PEAK1: variants seen among roughly 807,000 people sequenced by gnomAD.
The protein encoded by PEAK1 is pseudopodium enriched atypical kinase 1.
PEAK1 carries 54 observed loss-of-function variants against 124.7 expected under a neutral mutation model. The ratio of observed to expected loss-of-function variants is 0.43; its 90% CI spans 0.35 to 0.54. The LOEUF is 0.54. Among genes scored for constraint, PEAK1 ranks in the 20% least tolerant of loss-of-function variants. PEAK1 has a pLI of 0.01. For synonymous variants in PEAK1, 719 were observed against 760.0 expected, an observed-to-expected ratio of 0.95 and a Z score of 0.89; for missense variants, 2,046 against 2,134.5, an observed-to-expected ratio of 0.96 and a Z score of 0.82.
chr15:77,412,049 T>C (rs1416468161), intron 1 of PEAK1, among the ~76,000 whole-genome samples: 1 of 152,178 alleles, frequency 6.6e-6, no homozygotes, highest in Non-Finnish European at 1.5e-5. Context: ...ATAATAGGTA[T>C]TAAGTGTTTA....
At chr15:77,124,791 A>G (rs2052230496) in intron 9 of PEAK1, among the ~76,000 whole-genome samples, 1 of 152,188 alleles carries the variant, frequency 6.6e-6, no homozygotes, top group Non-Finnish European at 1.5e-5. Context: ...TCAAATCTCT[A>G]AATTTGTTCT....
chr15:77,302,583 A>G (rs1478842569), intron 2 of PEAK1, among the ~76,000 whole-genome samples: 1 of 152,186 alleles, frequency 6.6e-6, no homozygotes, highest in African/African-American at 2.4e-5. Flanking sequence ...GGGCTTATGC[A>G]TAGTTCCTTT....
chr15:77,283,141 AAAAC>A (rs1358376580), intron 5 of PEAK1, among the ~76,000 whole-genome samples: 1 of 152,220 alleles, frequency 6.6e-6, no homozygotes, highest in African/African-American at 2.4e-5. Flanking sequence ...ACTCTTAAGA[AAAAC>A]AGACTTCAGA....
chr15:77,197,725 C>G (rs1044955381), intron 6 of PEAK1, among the ~76,000 whole-genome samples: 1 of 152,132 alleles, frequency 6.6e-6, no homozygotes, highest in African/African-American at 2.4e-5. Context: ...ACTAAGAACT[C>G]TGACTAACTG....
At chr15:77,153,120 G>A (rs1288500270) in intron 8 of PEAK1, among the ~76,000 whole-genome samples, 1 of 150,432 alleles carries the variant, frequency 6.6e-6, no homozygotes, top group Non-Finnish European at 1.5e-5. Context: ...ATCTGGTCCT[G>A]GACTTTTTTT....
At chr15:77,284,190 A>T (rs1435894120) in intron 4 of PEAK1, 160 bp from the exon 5 acceptor site, 1 of 200,856 alleles carries the variant, frequency 5.0e-6, no homozygotes, top group African/African-American at 2.4e-5. Context: ...TAATGTATGT[A>T]AAGAGCAAAG....
At chr15:77,163,759 G>C (rs2055863686) in intron 7 of PEAK1, among the ~76,000 whole-genome samples, 1 of 152,140 alleles carries the variant, frequency 6.6e-6, no homozygotes, top group South Asian at 2.1e-4. Context: ...CCTGCCTCTT[G>C]GGACAAATGT....
intron 2 of PEAK1, among the ~76,000 whole-genome samples, chr15:77,313,644 ATG>A (rs1166778709): frequency 4.0e-5 from 3 of 75,418 alleles, no homozygotes; most frequent in South Asian, 4.1e-4. Context: ...GTATGTATGT[ATG>A]TATGTATGTG....
chr15:77,268,043 C>T (rs2061831235), intron 5 of PEAK1, among the ~76,000 whole-genome samples: 2 of 152,100 alleles, frequency 1.3e-5, no homozygotes, highest in South Asian at 4.1e-4. Context: ...AAATGAAGGG[C>T]ACACTTAGAG....
chr15:77,414,207 CT>C (rs71145827), intron 1 of PEAK1, among the ~76,000 whole-genome samples: 5,139 of 67,826 alleles, frequency 0.076, 92 homozygotes, highest in Non-Finnish European at 0.12. Flanking sequence ...TTCTTTCCTT[CT>C]TTTTTTTTTT....
chr15:77,410,235 G>A (rs559767711), intron 1 of PEAK1, among the ~76,000 whole-genome samples: 1 of 152,048 alleles, frequency 6.6e-6, no homozygotes, highest in African/African-American at 2.4e-5. Context: ...AGCCTCCCAA[G>A]TGATTCTCCT....
At chr15:77,221,111 T>C (rs190415685) in intron 6 of PEAK1, among the ~76,000 whole-genome samples, 246 of 152,238 alleles carry the variant, frequency 1.6e-3, no homozygotes, top group African/African-American at 5.7e-3. Context: ...AACTGTAGCA[T>C]ATGCCCTTTA....
intron 1 of PEAK1, among the ~76,000 whole-genome samples, chr15:77,396,829 G>A (rs1214561360): frequency 1.3e-5 from 2 of 152,126 alleles, no homozygotes; most frequent in Non-Finnish European, 2.9e-5. Context: ...AGAGAGAAAA[G>A]TAGAGTTAAA....
chr15:77,292,437 C>T (rs2063269519), intron 2 of PEAK1, among the ~76,000 whole-genome samples: 1 of 151,784 alleles, frequency 6.6e-6, no homozygotes, highest in Non-Finnish European at 1.5e-5. Context: ...AGGAATATTA[C>T]ACAGCACTTT....
intron 1 of PEAK1, among the ~76,000 whole-genome samples, chr15:77,395,622 A>C (rs1044045057): frequency 5.9e-5 from 9 of 152,160 alleles, no homozygotes; most frequent in Non-Finnish European, 1.3e-4. Flanking sequence ...TTTTCAGTGG[A>C]AACTTTACAG....
chr15:77,198,812 T>C (rs2058227821), intron 6 of PEAK1, among the ~76,000 whole-genome samples: 1 of 152,158 alleles, frequency 6.6e-6, no homozygotes, highest in African/African-American at 2.4e-5. Context: ...AGATTTGGCT[T>C]AAAAAATGTC....
chr15:77,237,370 T>C (rs938283792), intron 6 of PEAK1, among the ~76,000 whole-genome samples: 2 of 152,086 alleles, frequency 1.3e-5, no homozygotes, highest in Non-Finnish European at 2.9e-5. Flanking sequence ...CTTGGCATCA[T>C]ACATTTCTAA....
intron 6 of PEAK1, among the ~76,000 whole-genome samples, chr15:77,237,863 C>CCTA (rs562734884): frequency 1.3e-5 from 2 of 152,058 alleles, no homozygotes; most frequent in Non-Finnish European, 2.9e-5. Context: ...TCTTGCTATG[C>CCTA]CTACTACTTT....
chr15:77,337,866 C>CT (rs1220296246), intron 2 of PEAK1: 5 of 985,170 alleles, frequency 5.1e-6, no homozygotes, highest in African/African-American at 1.7e-5. Context: ...AGAAAAAAAT[C>CT]AATTCCCTTG....
Sources: gnomAD v4.1 joint callset for allele counts (sites outside exome capture counted in the v4.1 genomes callset) on GRCh38, gnomAD v4.1.1 for gene constraint, MANE v1.5 for transcripts, NCBI Gene and HGNC (gene_info 2026-07-23, HGNC 2026-07-21) for gene names.